The following CBLB variants were observed in gnomAD, a reference collection of about 807,000 sequenced individuals.
CBLB encodes Cbl proto-oncogene B.
Under a neutral mutation model 104.9 loss-of-function variants are expected in CBLB, and 31 were observed. The observed-to-expected ratio is 0.30, with a 90% CI of 0.22 to 0.40. The LOEUF (loss-of-function observed/expected upper bound fraction) is 0.40. Ranked by LOEUF, CBLB falls within the 10% of genes least tolerant of loss-of-function variation. The pLI, the probability that CBLB is intolerant of heterozygous loss-of-function variation, is 1.00. For missense variants in CBLB, 1,062 were observed against 1,214.6 expected (o/e 0.87, Z 1.87); for synonymous variants, 440 against 422.6 (o/e 1.04, Z -0.51).
At chr3:105,867,736 A>G in intron 1 of CBLB, 145 bp from the exon 2 acceptor site, 1 of 703,438 alleles carries the variant, frequency 1.4e-6, no homozygotes, top group East Asian at 2.7e-5. Flanking sequence ...CTTTATCAAT[A>G]AGCTTGTGAA....
At position 105,670,234 on chromosome 3, in the gene CBLB, T is replaced by C. The variant is rs757539572; in HGVS notation, c.2688A>G (p.Ser896=). The change falls in exon 18 of 19, where the codon TCA becomes TCG. Residue 896 remains serine (S), a splice_region_variant and synonymous_variant. Transcript: ENST00000394030. ...SQDYDQLPSC[S]DGSQAPARPP... ...TGTTACTGTTACTAGCCAACTCACC[T>C]GAACATGAAGGAAGCTGATCATAGT... is the stretch of plus-strand genomic sequence containing the variant. 6.2e-7 allele frequency: 1 copy of C among 1,613,090 alleles called. No individual in the cohort carries two copies. The highest frequency in any genetic ancestry group is 1.7e-5 in the Admixed American group (1 of 59,974).
At chr3:105,842,856 A>C (rs1177379224) in intron 3 of CBLB, among the ~76,000 whole-genome samples, 1 of 152,222 alleles carries the variant, frequency 6.6e-6, no homozygotes, top group Non-Finnish European at 1.5e-5. Flanking sequence ...CTTTTAGCCA[A>C]CTTATATACT....
At chr3:105,809,512 T>C (rs1051653195) in intron 3 of CBLB, among the ~76,000 whole-genome samples, 3 of 152,198 alleles carry the variant, frequency 2.0e-5, no homozygotes, top group African/African-American at 7.2e-5. Flanking sequence ...TTTTTAAACA[T>C]ACATACAGTC....
chr3:105,685,344 C>T lies in CBLB; in HGVS notation c.2177G>A (p.Cys726Tyr). 6.2e-7 allele frequency: 1 copy of T among 1,613,852 alleles called. No homozygotes were observed. The highest frequency in any genetic ancestry group is 8.5e-7 in the Non-Finnish European group (1 of 1,179,874). ...PVSLNSQPSHCHNVKPPVRSC... is the reference protein window; with the variant it reads ...PVSLNSQPSHYHNVKPPVRSC... ...CCGAACAGGAGGTTTTACATTATGA[C>T]AATGAGATGGTTGTGAATTCAGGGA... is the stretch of plus-strand genomic sequence containing the variant. Residue 726 changes from cysteine to tyrosine, a missense_variant, in exon 14 of 19, where the codon TGT becomes TAT. Physicochemically the swap from Cys to Tyr is radical, Grantham distance 194. Coordinates refer to ENST00000394030, the MANE Select transcript of CBLB (RefSeq NM_170662.5).
intron 4 of CBLB, among the ~76,000 whole-genome samples, chr3:105,771,543 T>C (rs1174278794): frequency 6.7e-6 from 1 of 148,958 alleles, no homozygotes; most frequent in Non-Finnish European, 1.5e-5. Flanking sequence ...AGCAATCCAA[T>C]AAAAAAAAAG....
intron 10 of CBLB, among the ~76,000 whole-genome samples, chr3:105,717,492 T>C (rs986091702): frequency 3.3e-5 from 5 of 152,334 alleles, no homozygotes; most frequent in Non-Finnish European, 5.9e-5. Context: ...TAGGTACTTA[T>C]ATAGGAATTT....
chr3:105,706,573 A>G (rs1352992630), intron 10 of CBLB, among the ~76,000 whole-genome samples: 1 of 152,172 alleles, frequency 6.6e-6, no homozygotes, highest in Non-Finnish European at 1.5e-5. Flanking sequence ...TTCCTCATGT[A>G]AAGCTATTTG....
intron 11 of CBLB, among the ~76,000 whole-genome samples, chr3:105,703,510 G>A (rs2069578611): frequency 1.3e-5 from 2 of 152,060 alleles, no homozygotes; most frequent in South Asian, 4.1e-4. Context: ...GCAATTCATT[G>A]TAATTAATTT....
At chr3:105,752,054 A>G (rs1474915686) in intron 4 of CBLB, among the ~76,000 whole-genome samples, 1 of 152,192 alleles carries the variant, frequency 6.6e-6, no homozygotes, top group East Asian at 1.9e-4. Context: ...CAAATGAGTA[A>G]TATGTATCAA....
Position 105,867,527 on chromosome 3 carries a change from G to T in CBLB, c.51C>A (p.Pro17=). Reference sequence around the variant, plus strand: ...TAATACCCAAAATTCGACCTTTTCGGGGATTTCCTCCTCGACCACCAGGGT... The same window carrying T: ...TAATACCCAAAATTCGACCTTTTCGTGGATTTCCTCCTCGACCACCAGGGT... The part of the protein sequence containing the change: ...GRNPGGRGGN[P]RKGRILGIID... The change falls in exon 2 of 19, where the codon CCC becomes CCA. Residue 17 remains proline (P), a synonymous_variant. Coordinates refer to ENST00000394030, the MANE Select transcript of CBLB (RefSeq NM_170662.5). 1.9e-6 allele frequency: 3 copies of T among 1,614,048 alleles called. No individual in the cohort carries two copies. Among genetic ancestry groups the T allele is most frequent in the Middle Eastern group, 1.6e-4 (1 of 6,062 alleles).
intron 4 of CBLB, among the ~76,000 whole-genome samples, chr3:105,773,037 T>C (rs1388379522): frequency 6.6e-6 from 1 of 152,172 alleles, no homozygotes; most frequent in Non-Finnish European, 1.5e-5. Flanking sequence ...CACTGCCAGA[T>C]ACCTGGTCAA....
chr3:105,803,423 G>A (rs916315929), intron 3 of CBLB, among the ~76,000 whole-genome samples: 3 of 152,094 alleles, frequency 2.0e-5, no homozygotes, highest in Non-Finnish European at 4.4e-5. Context: ...AAAGTGTCAA[G>A]GGTAGCATAA....
At chr3:105,745,805 G>T in intron 6 of CBLB, 112 bp downstream of exon 6, 1 of 956,810 alleles carries the variant, frequency 1.0e-6, no homozygotes, top group Middle Eastern at 2.2e-4. Flanking sequence ...ACCTTTTCTA[G>T]CCCCCTCCCA....
Position 105,712,900 on chromosome 3 carries a change from C to A in CBLB, c.1407+7147G>T, listed in dbSNP as rs190710551. On this transcript the variant is annotated intron_variant, in intron 10 of 18. Transcript: ENST00000394030. ...TATCAACATCTAAAAGAAAACCTTCCATAGACAACTCAAAAATACTAATAA... is the reference window on the plus strand; with the variant it reads ...TATCAACATCTAAAAGAAAACCTTCAATAGACAACTCAAAAATACTAATAA... Among the ~76,000 whole-genome samples, 518 of 152,172 alleles carry A rather than the reference C, an allele frequency of 3.4e-3. 4 individuals carry two copies. The highest frequency in any genetic ancestry group is 0.012 in the African/African-American group (498 of 41,530).
chr3:105,792,520 C>A (rs894745083), intron 3 of CBLB, among the ~76,000 whole-genome samples: 3 of 152,198 alleles, frequency 2.0e-5, no homozygotes, highest in African/African-American at 7.2e-5. Flanking sequence ...ACAGCCCAGT[C>A]CTGGGACAGC....
At chr3:105,745,648 T>C (rs1382620656) in intron 6 of CBLB, among the ~76,000 whole-genome samples, 2 of 152,242 alleles carry the variant, frequency 1.3e-5, no homozygotes, top group Admixed American at 6.5e-5. Context: ...TATTCAAATA[T>C]ATACATTCAA....
intron 18 of CBLB, among the ~76,000 whole-genome samples, chr3:105,661,419 A>T (rs936821276): frequency 4.6e-5 from 7 of 152,172 alleles, no homozygotes; most frequent in African/African-American, 1.7e-4. Flanking sequence ...AAATTATTGA[A>T]AGCTTTCCTT....
intron 3 of CBLB, among the ~76,000 whole-genome samples, chr3:105,830,499 G>A (rs757245249): frequency 1.1e-4 from 16 of 152,170 alleles, no homozygotes; most frequent in Non-Finnish European, 2.4e-4. Context: ...AGATCAGTCA[G>A]ACTTAGTCAT....
At chr3:105,723,776 T>C (rs1220503463) in intron 9 of CBLB, among the ~76,000 whole-genome samples, 1 of 152,092 alleles carries the variant, frequency 6.6e-6, no homozygotes, top group East Asian at 1.9e-4. Context: ...AATACCTTCT[T>C]TTAAATGTTT....
Sources: gnomAD v4.1 joint callset for allele counts (sites outside exome capture counted in the v4.1 genomes callset) on GRCh38, gnomAD v4.1.1 for gene constraint, MANE v1.5 for transcripts, NCBI Gene and HGNC (gene_info 2026-07-23, HGNC 2026-07-21) for gene names.